SPINT2: variants seen among roughly 807,000 people sequenced by gnomAD.
SPINT2 encodes the protein serine peptidase inhibitor, Kunitz type 2.
In SPINT2, 18 loss-of-function variants were observed where a neutral mutation model predicts 30.1. The observed-to-expected ratio is 0.60, with a 90% CI of 0.41 to 0.89. The LOEUF is 0.89. Among genes scored for constraint, SPINT2 ranks in the 40% least tolerant of loss-of-function variants. The probability of loss-of-function intolerance (pLI) is 0.00; values close to 1 mark genes in which losing one functional copy is unlikely to be tolerated. For synonymous variants in SPINT2, 139 were observed against 137.9 expected, an observed-to-expected ratio of 1.01 and a Z score of -0.05; for missense variants, 276 against 334.3, an observed-to-expected ratio of 0.83 and a Z score of 1.36.
rs1968604002 is a variant in SPINT2 at position 38,283,485 on chromosome 19, C to T, written c.107-142C>T. 8.8e-6 allele frequency: 9 copies of T among 1,019,390 alleles called. No individual in the cohort carries two copies. The South Asian group carries it at 9.8e-5, about 11-fold the overall frequency. 63.1% of individuals were successfully genotyped at this position (1,019,390 alleles called of 1,614,324 possible). ...AGCACTGAGTGGGCCTGTTGACGATCTGGGCTTGGGAAACAGCTCACAGGG... is the reference window on the plus strand; with the variant it reads ...AGCACTGAGTGGGCCTGTTGACGATTTGGGCTTGGGAAACAGCTCACAGGG... On this transcript the variant is annotated intron_variant, in intron 1 of 6. Coordinates refer to ENST00000301244, the MANE Select transcript of SPINT2 (RefSeq NM_021102.4).
At chr19:38,267,527 G>C (rs1211135155) in intron 1 of SPINT2, among the ~76,000 whole-genome samples, 1 of 152,140 alleles carries the variant, frequency 6.6e-6, no homozygotes, top group Non-Finnish European at 1.5e-5. Flanking sequence ...TTGGAGTTGA[G>C]GTTCTGAAGG....
Position 38,290,339 on chromosome 19 carries a change from C to T in SPINT2, c.553+59C>T. On this transcript the variant is annotated intron_variant, in intron 5 of 6. Transcript: ENST00000301244. The surrounding 1 kb of genome is among the most constrained non-coding windows in gnomAD (Gnocchi z 4.3). ...GCCCTTGAGGACCCCGGTCCATCTC[C>T]CCATCCCTAAAATATGAAGGCCTTG... The T allele has an allele frequency of 6.3e-7, 1 of 1,593,624 alleles. No individual in the cohort carries two copies. The highest frequency in any genetic ancestry group is 1.1e-5 in the South Asian group (1 of 88,884).
chr19:38,290,930 A>T lies in SPINT2; in HGVS notation c.592+355A>T. The T allele has an allele frequency of 2.5e-6, 1 of 398,838 alleles. No individual in the cohort carries two copies. Among genetic ancestry groups the T allele is most frequent in the Non-Finnish European group, 4.8e-6 (1 of 209,620 alleles). 24.7% of individuals were successfully genotyped at this position (398,838 alleles called of 1,614,324 possible). A position where few individuals can be genotyped will look rare whatever the true frequency, so the allele number is the denominator to read the frequency against. ...ATAAGAGTTGGTCACGGGTGACAGG[A>T]CGGAGGACCACGGGCCAGGGTGTTT... is the stretch of plus-strand genomic sequence containing the variant. On this transcript the variant is annotated intron_variant, in intron 6 of 6. Coordinates refer to ENST00000301244, the MANE Select transcript of SPINT2 (RefSeq NM_021102.4). The surrounding 1 kb of genome is among the most constrained non-coding windows in gnomAD (Gnocchi z 4.3).
At position 38,284,320 on chromosome 19, in the gene SPINT2, C is replaced by T. The variant is rs1335311340; in HGVS notation, c.277+523C>T. ...ATGTTACCCAGGCTGGTCTTGGACT[C>T]TTGGCCTCAAGTGATCCTCCCACCT... On this transcript the variant is annotated intron_variant, in intron 2 of 6. Transcript: ENST00000301244. Among the ~76,000 whole-genome samples the T allele has an allele frequency of 2.0e-5, 3 of 152,184 alleles. No homozygotes were observed. In the East Asian group the frequency reaches 5.8e-4, roughly 29 times the overall value.
chr19:38,289,577 C>A (rs929019399), intron 4 of SPINT2: 43 of 224,356 alleles, frequency 1.9e-4, no homozygotes, highest in Non-Finnish European at 3.6e-4. Context: ...GAGACACTTG[C>A]GGATTTTCAC....
chr19:38,273,934 A>G (rs1157590920), intron 1 of SPINT2, among the ~76,000 whole-genome samples: 1 of 152,182 alleles, frequency 6.6e-6, no homozygotes, highest in Non-Finnish European at 1.5e-5. Context: ...ACTATTTGTT[A>G]AAAGTTTTGT....
intron 4 of SPINT2, 42 bp downstream of exon 4, chr19:38,289,233 A>G: frequency 6.3e-7 from 1 of 1,575,282 alleles, no homozygotes. Flanking sequence ...TCACACCTGT[A>G]ATCCCAGCGC....
intron 1 of SPINT2, among the ~76,000 whole-genome samples, chr19:38,271,267 G>A (rs543156129): frequency 9.9e-5 from 15 of 152,002 alleles, no homozygotes; most frequent in Non-Finnish European, 1.6e-4. Context: ...CGAGGCAGGC[G>A]GGTCACGAGA....
rs78526379 is a variant in SPINT2 at position 38,265,962 on chromosome 19, C to G, written c.106+964C>G. Among the ~76,000 whole-genome samples the G allele has an allele frequency of 2.6e-3, 402 of 152,258 alleles. 11 individuals carry two copies. The East Asian group carries it at 0.052, about 20-fold the overall frequency. On this transcript the variant is annotated intron_variant, in intron 1 of 6. Transcript: ENST00000301244. ...TTAAGTTACTGAGAATTAAATGAAC[C>G]AGGTGAAGTACACCAACAGGGTGAC...
At chr19:38,289,274 G>C (rs1001207823) in intron 4 of SPINT2, 83 bp downstream of exon 4, 4 of 1,190,888 alleles carry the variant, frequency 3.4e-6, no homozygotes, top group Non-Finnish European at 5.0e-6. Flanking sequence ...GGATCACGAG[G>C]TCAGGATATC....
rs938737948 is a variant in SPINT2, at chr19:38,288,489, C to T, written c.337+554C>T. ...TGGTTTAAGGACTCTGCATCGGGCG[C>T]CTGGGGTGAGTGGTCCCGATGCACT... On this transcript the variant is annotated intron_variant, in intron 3 of 6. Coordinates refer to ENST00000301244, the MANE Select transcript of SPINT2 (RefSeq NM_021102.4). 4.6e-4 allele frequency: 98 copies of T among 213,582 alleles called. 1 individual carries two copies. The highest frequency in any genetic ancestry group is 2.2e-3 in the African/African-American group (95 of 43,730). The allele number at this position is 213,582 out of a possible 1,614,324, so 13.2% of individuals were successfully genotyped here. A position where few individuals can be genotyped will look rare whatever the true frequency, so the allele number is the denominator to read the frequency against.
Position 38,290,726 on chromosome 19 carries a change from G to T in SPINT2, c.592+151G>T. The T allele has an allele frequency of 8.8e-7, 1 of 1,132,414 alleles. No individual in the cohort carries two copies. The highest frequency in any genetic ancestry group is 1.3e-6 in the Non-Finnish European group (1 of 780,594). 70.1% of individuals were successfully genotyped at this position (1,132,414 alleles called of 1,614,324 possible). ...GTTTCTGCGTGAGAATGGCGAGGTG[G>T]TGGTTTGTCCCACCGTTCAGTGTAC... On this transcript the variant is annotated intron_variant, in intron 6 of 6. Transcript: ENST00000301244. The surrounding 1 kb of genome is among the most constrained non-coding windows in gnomAD (Gnocchi z 4.3).
chr19:38,289,037 G>T, intron 3 of SPINT2, 101 bp from the exon 4 acceptor site: 1 of 1,044,154 alleles, frequency 9.6e-7, no homozygotes, highest in Non-Finnish European at 1.5e-6. Context: ...CTTCTTAAAG[G>T]CGTGTCCACA....
At position 38,291,875 on chromosome 19, in the gene SPINT2, A is replaced by C; in HGVS notation, c.628A>C (p.Ile210Leu). 1 of 1,613,246 alleles carries C rather than the reference A, an allele frequency of 6.2e-7. No homozygotes were observed. Among genetic ancestry groups the C allele is most frequent in the Non-Finnish European group, 8.5e-7 (1 of 1,179,916 alleles). ...VLAGLFVMVLILFLGASMVYL... is the reference protein window; with the variant it reads ...VLAGLFVMVLLLFLGASMVYL... ...GGCGGGGCTGTTCGTGATGGTGTTG[A>C]TCCTCTTCCTGGGAGCCTCCATGGT... Residue 210 changes from isoleucine to leucine, a missense_variant, in exon 7 of 7, where the codon ATC (isoleucine) becomes CTC (leucine). Transcript: ENST00000301244.
At position 38,291,350 on chromosome 19, in the gene SPINT2, C is replaced by A. The variant is rs981335338; in HGVS notation, c.593-490C>A. 5.4e-5 allele frequency: 9 copies of A among 165,530 alleles called. No individual in the cohort carries two copies. In the East Asian group the frequency reaches 1.4e-3, roughly 25 times the overall value. 10.3% of individuals were successfully genotyped at this position (165,530 alleles called of 1,614,324 possible). A position where few individuals can be genotyped will look rare whatever the true frequency, so the allele number is the denominator to read the frequency against. On this transcript the variant is annotated intron_variant, in intron 6 of 6. Coordinates refer to ENST00000301244, the MANE Select transcript of SPINT2 (RefSeq NM_021102.4). ...AATTTGCTGGCACAGCTCTGAGTACCCCCTCGCTTCCACCCTGACTTCATC... is the reference window on the plus strand; with the variant it reads ...AATTTGCTGGCACAGCTCTGAGTACACCCTCGCTTCCACCCTGACTTCATC...
Position 38,291,883 on chromosome 19 carries a change from C to T in SPINT2, c.636C>T (p.Phe212=), listed in dbSNP as rs1279019959. The part of the protein sequence containing the change: ...AGLFVMVLIL[F]LGASMVYLIR... ...TGTTCGTGATGGTGTTGATCCTCTT[C>T]CTGGGAGCCTCCATGGTCTACCTGA... Residue 212 remains phenylalanine (F), a synonymous_variant, in exon 7 of 7, where the codon TTC becomes TTT. Coordinates refer to ENST00000301244, the MANE Select transcript of SPINT2 (RefSeq NM_021102.4). 6.2e-7 allele frequency: 1 copy of T among 1,613,576 alleles called. No individual in the cohort carries two copies. The highest frequency in any genetic ancestry group is 2.2e-5 in the East Asian group (1 of 44,884).
At chr19:38,283,834 T>C (rs1246706958) in intron 2 of SPINT2, 37 bp downstream of exon 2, 7 of 174,776 alleles carry the variant, frequency 4.0e-5, no homozygotes, top group Admixed American at 1.2e-4. Flanking sequence ...GTTTTTTTCC[T>C]TTTTTTTTTT....
intron 1 of SPINT2, among the ~76,000 whole-genome samples, chr19:38,272,813 G>T (rs1228840987): frequency 1.3e-5 from 2 of 152,154 alleles, no homozygotes; most frequent in African/African-American, 4.8e-5. Context: ...TCCACCTTCT[G>T]GGTTCAAGCG....
chr19:38,272,316 C>G (rs190528905), intron 1 of SPINT2, among the ~76,000 whole-genome samples: 5 of 152,184 alleles, frequency 3.3e-5, no homozygotes, highest in Admixed American at 6.6e-5. Context: ...TAGTTTGTGA[C>G]CTTTTGAAGG....
Sources: gnomAD v4.1 joint callset for allele counts (sites outside exome capture counted in the v4.1 genomes callset) on GRCh38, gnomAD v4.1.1 for gene constraint, Gnocchi (gnomAD v3.1) non-coding constraint, MANE v1.5 for transcripts, NCBI Gene and HGNC (gene_info 2026-07-23, HGNC 2026-07-21) for gene names.